The following RBMS1 variants were observed in gnomAD, a reference collection of about 807,000 sequenced individuals.
The protein encoded by RBMS1 is RNA binding motif single stranded interacting protein 1, also known as RNA-binding motif, single-stranded-interacting protein 1.
A neutral mutation model predicts 62.3 loss-of-function variants in RBMS1; 17 were observed. That is an observed-to-expected ratio of 0.27 (90% CI 0.19 to 0.41). RBMS1 has a LOEUF of 0.41. Among genes scored for constraint, RBMS1 ranks in the 10% least tolerant of loss-of-function variants. The pLI is 1.00. For synonymous variants in RBMS1, 172 were observed against 170.0 expected (o/e 1.01, Z -0.09); for missense variants, 334 against 504.5 (o/e 0.66, Z 3.24).
At chr2:160,405,629 T>C (rs74810688) in intron 1 of RBMS1, among the ~76,000 whole-genome samples, 2,072 of 152,320 alleles carry the variant, frequency 0.014, 12 homozygotes, top group Non-Finnish European at 0.023. Context: ...TCTTTGCCTA[T>C]AGAAAAAAGA....
chr2:160,438,735 C>T (rs1305964210), intron 1 of RBMS1, among the ~76,000 whole-genome samples: 3 of 152,248 alleles, frequency 2.0e-5, no homozygotes, highest in Non-Finnish European at 4.4e-5. Flanking sequence ...TCCACAAAAC[C>T]GCCATTGTCA....
intron 1 of RBMS1, among the ~76,000 whole-genome samples, chr2:160,395,420 C>T (rs887332729): frequency 3.3e-5 from 5 of 152,052 alleles, no homozygotes; most frequent in Non-Finnish European, 4.4e-5. Context: ...GTCAGGAGAT[C>T]GAGACCATCC....
intron 2 of RBMS1, among the ~76,000 whole-genome samples, chr2:160,320,782 T>C (rs1690516764): frequency 6.6e-6 from 1 of 152,110 alleles, no homozygotes; most frequent in Admixed American, 6.5e-5. Flanking sequence ...ACGAACCAAA[T>C]AAACCTTTTC....
At chr2:160,356,325 T>G (rs1440662596) in intron 2 of RBMS1, among the ~76,000 whole-genome samples, 1 of 152,156 alleles carries the variant, frequency 6.6e-6, no homozygotes, top group Admixed American at 6.6e-5. Context: ...TTATTGGCTA[T>G]TCAAGTGGAC....
chr2:160,324,051 G>C (rs990670864), intron 2 of RBMS1, among the ~76,000 whole-genome samples: 27 of 152,228 alleles, frequency 1.8e-4, no homozygotes, highest in Non-Finnish European at 3.4e-4. Flanking sequence ...CTATCACTTA[G>C]TTACTCCTAA....
At chr2:160,396,192 G>A (rs571961472) in intron 1 of RBMS1, among the ~76,000 whole-genome samples, 1 of 152,284 alleles carries the variant, frequency 6.6e-6, no homozygotes, top group East Asian at 1.9e-4. Flanking sequence ...TGGTTTGATA[G>A]TGAAATTTTT....
intron 1 of RBMS1, among the ~76,000 whole-genome samples, chr2:160,455,235 T>C (rs1417588419): frequency 6.6e-6 from 1 of 152,264 alleles, no homozygotes; most frequent in Admixed American, 6.5e-5. Context: ...CCTGAGCTGA[T>C]GCTTTATAAA....
intron 2 of RBMS1, among the ~76,000 whole-genome samples, chr2:160,364,087 A>G (rs1693270775): frequency 6.6e-6 from 1 of 152,220 alleles, no homozygotes; most frequent in African/African-American, 2.4e-5. Flanking sequence ...GCATTGGCAA[A>G]TATTTATATG....
chr2:160,281,995 C>T (rs776438227), intron 9 of RBMS1: 65 of 311,534 alleles, frequency 2.1e-4, no homozygotes, highest in Non-Finnish European at 3.8e-4. Context: ...ACACAGTAGA[C>T]CCTCTGAATT....
chr2:160,401,256 T>A (rs1013845060), intron 1 of RBMS1, among the ~76,000 whole-genome samples: 4 of 152,230 alleles, frequency 2.6e-5, no homozygotes, highest in African/African-American at 9.6e-5. Flanking sequence ...TGAAATTCCA[T>A]ATGTTTAAAT....
At chr2:160,361,726 C>T (rs1238883256) in intron 2 of RBMS1, among the ~76,000 whole-genome samples, 3 of 152,198 alleles carry the variant, frequency 2.0e-5, no homozygotes, top group Non-Finnish European at 4.4e-5. Flanking sequence ...AAGGCTGAGG[C>T]AGAATCACTT....
chr2:160,304,917 C>A lies in RBMS1; in HGVS notation c.403-1430G>T, dbSNP rs150449916. ...TGTGCCAGGATGGAGTGCAGTGGCG[C>A]GATCTCAGCTCACTGCAACTTCTGC... is the stretch of plus-strand genomic sequence containing the variant. On this transcript the variant is annotated intron_variant, in intron 4 of 13. Transcript: ENST00000348849. Among the ~76,000 whole-genome samples the A allele has an allele frequency of 5.5e-3, 833 of 152,176 alleles. 11 individuals are homozygous for A. The highest frequency in any genetic ancestry group is 0.017 in the African/African-American group (710 of 41,502).
chr2:160,323,711 T>C (rs948903922), intron 2 of RBMS1, among the ~76,000 whole-genome samples: 3 of 151,486 alleles, frequency 2.0e-5, no homozygotes, highest in Non-Finnish European at 4.4e-5. Context: ...ACCCAGATTA[T>C]AATATTCTTT....
intron 1 of RBMS1, among the ~76,000 whole-genome samples, chr2:160,385,554 T>C (rs1694524807): frequency 6.6e-6 from 1 of 152,178 alleles, no homozygotes; most frequent in South Asian, 2.1e-4. Flanking sequence ...GAGATTGTTT[T>C]ATCATCTGAA....
intron 12 of RBMS1, among the ~76,000 whole-genome samples, 171 bp downstream of exon 12, chr2:160,277,132 C>T (rs1687878959): frequency 6.6e-6 from 1 of 152,184 alleles, no homozygotes; most frequent in Non-Finnish European, 1.5e-5. Flanking sequence ...GCAATCCTCC[C>T]TCCTCAGCCT....
At chr2:160,431,070 G>A (rs1260560356) in intron 1 of RBMS1, among the ~76,000 whole-genome samples, 1 of 149,516 alleles carries the variant, frequency 6.7e-6, no homozygotes, top group Non-Finnish European at 1.5e-5. Context: ...CTTGCGGGGA[G>A]TTGTGTGTGG....
intron 1 of RBMS1, chr2:160,401,844 A>G (rs1398739921): frequency 2.6e-5 from 4 of 152,220 alleles, no homozygotes; most frequent in Admixed American, 2.6e-4. Context: ...AAATTCTGCT[A>G]TCGAGGGCAT....
intron 1 of RBMS1, chr2:160,407,979 C>T (rs1476695971): frequency 2.1e-6 from 2 of 937,278 alleles, no homozygotes; most frequent in African/African-American, 1.8e-5. Flanking sequence ...CGCGCCTCCC[C>T]GCCCGCCCGC....
At chr2:160,400,862 C>T (rs1695396387) in intron 1 of RBMS1, among the ~76,000 whole-genome samples, 1 of 152,062 alleles carries the variant, frequency 6.6e-6, no homozygotes, top group Non-Finnish European at 1.5e-5. Flanking sequence ...AAAGGACCAC[C>T]CCTCAAAACT....
Sources: allele counts gnomAD v4.1 joint callset (sites outside exome capture counted in the v4.1 genomes callset), GRCh38; gene constraint gnomAD v4.1.1; transcripts MANE v1.5; gene names NCBI Gene and HGNC (gene_info 2026-07-23, HGNC 2026-07-21).